The following PRDM2 variants were observed in gnomAD, a reference collection of about 807,000 sequenced individuals.
PRDM2 encodes the protein PR domain zinc finger protein 2.
In PRDM2, 30 loss-of-function variants were observed where a neutral mutation model predicts 130.0. That is an observed-to-expected ratio of 0.23 (90% CI 0.17 to 0.31). PRDM2 has a LOEUF of 0.31. PRDM2 is among the 10% of genes least tolerant of loss of function. The pLI is 1.00. For synonymous variants in PRDM2, 871 were observed against 782.4 expected, an observed-to-expected ratio of 1.11 and a Z score of -1.89; for missense variants, 2,011 against 2,108.4, an observed-to-expected ratio of 0.95 and a Z score of 0.90.
At chr1:13,798,063 G>A (rs1644949537) in intron 8 of PRDM2, among the ~76,000 whole-genome samples, 1 of 152,070 alleles carries the variant, frequency 6.6e-6, no homozygotes, top group South Asian at 2.1e-4. Flanking sequence ...TCAGGAGCTG[G>A]GGACATTTCT....
intron 8 of PRDM2, among the ~76,000 whole-genome samples, chr1:13,791,235 A>G (rs747577121): frequency 6.6e-6 from 1 of 152,254 alleles, no homozygotes; most frequent in Non-Finnish European, 1.5e-5. Flanking sequence ...GGGTAAGGAA[A>G]TCTTCCTGGT....
At position 13,822,185 on chromosome 1, in the gene PRDM2, A is replaced by C. The variant is rs573916646; in HGVS notation, c.*24-974A>C. On this transcript the variant is annotated intron_variant, in intron 9 of 9. Coordinates refer to ENST00000311066, the MANE Select transcript of PRDM2 (RefSeq NM_001393986.1). ...CAGATATGTACCCACGTGCACCAGG[A>C]AATACCTATGAGAATGCTGATGTGT... is the stretch of plus-strand genomic sequence containing the variant. 1.8e-4 allele frequency among the ~76,000 whole-genome samples: 28 copies of C among 152,272 alleles called. 1 individual carries two copies. In the South Asian group the frequency reaches 5.6e-3, roughly 30 times the overall value.
chr1:13,737,136 T>C (rs1448505419), intron 4 of PRDM2, among the ~76,000 whole-genome samples: 1 of 152,224 alleles, frequency 6.6e-6, no homozygotes, highest in Non-Finnish European at 1.5e-5. Flanking sequence ...GAACCTTTTC[T>C]CAGAAAGTAC....
intron 6 of PRDM2, among the ~76,000 whole-genome samples, chr1:13,754,423 A>G (rs1479525352): frequency 1.3e-5 from 2 of 152,204 alleles, no homozygotes; most frequent in African/African-American, 4.8e-5. Flanking sequence ...ACACTTTCCA[A>G]AATTGGATAA....
At chr1:13,706,757 T>A (rs1391015533) in intron 1 of PRDM2, among the ~76,000 whole-genome samples, 1 of 152,114 alleles carries the variant, frequency 6.6e-6, no homozygotes, top group Non-Finnish European at 1.5e-5. Flanking sequence ...CAAGAACTAA[T>A]GATTTATTTT....
chr1:13,774,419 G>A (rs138883401), intron 7 of PRDM2, among the ~76,000 whole-genome samples: 49 of 152,324 alleles, frequency 3.2e-4, no homozygotes, highest in African/African-American at 1.1e-3. Context: ...CCATTTTTAA[G>A]CACTGTTTGT....
In PRDM2 at chr1:13,781,526, A is replaced by C. The variant is rs1327082121; in HGVS notation, c.3731A>C (p.His1244Pro). Reference sequence around the variant, plus strand: ...GATCCCAGCAAGGCCCATGTAGAGCATATGCAGAGCTTGCCAGAAGATCCT... The same window carrying C: ...GATCCCAGCAAGGCCCATGTAGAGCCTATGCAGAGCTTGCCAGAAGATCCT... ...FTDPSKAHVE[H>P]MQSLPEDPLE... The change falls in exon 8 of 10, where the codon CAT becomes CCT. Residue 1244 changes from histidine (H) to proline (P), a missense_variant. Physicochemically the swap from His to Pro is moderately conservative, Grantham distance 77. This residue lies in a region of PRDM2 where 229 missense variants were observed against 364.1 expected (regional missense o/e 0.63). Transcript: ENST00000311066. The surrounding 1 kb of genome is among the most constrained non-coding windows in gnomAD (Gnocchi z 6.1). 6.2e-7 allele frequency: 1 copy of C among 1,612,850 alleles called. No homozygotes were observed. The highest frequency in any genetic ancestry group is 8.5e-7 in the Non-Finnish European group (1 of 1,179,992).
At chr1:13,794,966 C>T (rs1557664865) in intron 8 of PRDM2, among the ~76,000 whole-genome samples, 1 of 152,186 alleles carries the variant, frequency 6.6e-6, no homozygotes, top group African/African-American at 2.4e-5. Context: ...AGAGCTGCTT[C>T]CTTCTTATAG....
Position 13,761,797 on chromosome 1 carries a change from A to T in PRDM2, c.512-11281A>T, listed in dbSNP as rs10927935. On this transcript the variant is annotated intron_variant, in intron 6 of 9. Transcript: ENST00000311066. Reference sequence around the variant, plus strand: ...AGTAGGTTACAGACTTTAAAAATGAAATACACTCACAGCTTACACTGTTAG... The same window carrying T: ...AGTAGGTTACAGACTTTAAAAATGATATACACTCACAGCTTACACTGTTAG... Among the ~76,000 whole-genome samples, 957 of 152,252 alleles carry T rather than the reference A, an allele frequency of 6.3e-3. 9 individuals carry two copies. The highest frequency in any genetic ancestry group is 0.022 in the African/African-American group (907 of 41,548).
intron 6 of PRDM2, among the ~76,000 whole-genome samples, chr1:13,757,003 A>T (rs1643972343): frequency 6.6e-6 from 1 of 152,248 alleles, no homozygotes. Flanking sequence ...TAAGTAGGAC[A>T]GTTATACTGT....
In PRDM2 at chr1:13,731,070, C is replaced by T. The variant is rs1342909610; in HGVS notation, c.80C>T (p.Pro27Leu). ...CCCGAACATGTGCTGCGAGGACTTCCGGAGGAAGTGAGGCTTTTCCCTTCT... is the reference window on the plus strand; with the variant it reads ...CCCGAACATGTGCTGCGAGGACTTCTGGAGGAAGTGAGGCTTTTCCCTTCT... ...EVPEHVLRGL[P>L]EEVRLFPSAV... Residue 27 changes from proline (P) to leucine (L), a missense_variant, in exon 3 of 10, where the codon CCG (proline) becomes CTG (leucine). Pro to Leu is a moderately conservative substitution (Grantham distance 98). Coordinates refer to ENST00000311066, the MANE Select transcript of PRDM2 (RefSeq NM_001393986.1). 3.1e-6 allele frequency: 5 copies of T among 1,612,870 alleles called. No individual in the cohort carries two copies. The highest frequency in any genetic ancestry group is 1.3e-5 in the African/African-American group (1 of 74,718).
chr1:13,703,933 A>G (rs1430261000), intron 1 of PRDM2, among the ~76,000 whole-genome samples: 1 of 152,242 alleles, frequency 6.6e-6, no homozygotes, highest in Non-Finnish European at 1.5e-5. Flanking sequence ...TGAAGTGCTT[A>G]CCTAACTTTA....
chr1:13,741,720 T>TGTGTGTGTGTG (rs1643447176), intron 4 of PRDM2, among the ~76,000 whole-genome samples: 2 of 112,552 alleles, frequency 1.8e-5, no homozygotes, highest in African/African-American at 8.2e-5. Flanking sequence ...CTCTTTAAGT[T>TGTGTGTGTGTG]TGTGTGTGTG....
chr1:13,767,467 ATTT>A (rs372707092), intron 6 of PRDM2, among the ~76,000 whole-genome samples: 3 of 113,998 alleles, frequency 2.6e-5, no homozygotes, highest in East Asian at 2.6e-4. Flanking sequence ...AATTTTTTCT[ATTT>A]TTTTTTTTTT....
rs1392302458 is a variant in PRDM2 at position 13,824,306 on chromosome 1, T to C, written c.*1171T>C. 1 of 152,510 alleles carries C rather than the reference T, an allele frequency of 6.6e-6. No homozygotes were observed. The highest frequency in any genetic ancestry group is 1.5e-5 in the Non-Finnish European group (1 of 68,020). 9.4% of individuals were successfully genotyped at this position (152,510 alleles called of 1,614,324 possible). On this transcript the variant is annotated 3_prime_UTR_variant, in exon 10 of 10. Coordinates refer to ENST00000311066, the MANE Select transcript of PRDM2 (RefSeq NM_001393986.1). ...CAAACCCAGAGCGGAAGGAGGGAGC[T>C]CTGATGAGCACGGTTTGTCACACGA...
intron 6 of PRDM2, among the ~76,000 whole-genome samples, chr1:13,769,931 A>AG (rs747650940): frequency 1.4e-4 from 21 of 152,012 alleles, no homozygotes; most frequent in African/African-American, 3.9e-4. Flanking sequence ...CACAATTAGA[A>AG]GGGGGGGTGC....
rs916304015 is a variant in PRDM2 at position 13,783,030 on chromosome 1, G to C, written c.5036+199G>C. The stretch of plus-strand genomic sequence containing the variant: ...ATAAATAGTTCTAATTTCAGACTTA[G>C]GACTCACAAAGCAGTGCCACTTCTT... On this transcript the variant is annotated intron_variant, in intron 8 of 9. Transcript: ENST00000311066. 1.2e-5 allele frequency: 15 copies of C among 1,294,524 alleles called. No homozygotes were observed. In the South Asian group the frequency reaches 1.5e-4, roughly 13 times the overall value. 80.2% of individuals were successfully genotyped at this position (1,294,524 alleles called of 1,614,324 possible).
chr1:13,749,637 T>C, intron 6 of PRDM2, 150 bp downstream of exon 6: 1 of 324,258 alleles, frequency 3.1e-6, no homozygotes, highest in Non-Finnish European at 4.4e-6. Context: ...TTTTCCGGAC[T>C]CGGCCCTGCC....
In PRDM2 at chr1:13,741,964, C is replaced by T. The variant is rs199954800; in HGVS notation, c.232-41C>T. 3.0e-4 allele frequency: 438 copies of T among 1,480,348 alleles called. 1 individual carries two copies. The African/African-American group carries it at 5.4e-3, about 18-fold the overall frequency. 91.7% of individuals were successfully genotyped at this position (1,480,348 alleles called of 1,614,324 possible). On this transcript the variant is annotated intron_variant, in intron 4 of 9. Coordinates refer to ENST00000311066, the MANE Select transcript of PRDM2 (RefSeq NM_001393986.1). ...AAAATGGAGGCATTTTAAAGATACTCCTATTTTAACAAAAGTTTTTTACTT... is the reference window on the plus strand; with the variant it reads ...AAAATGGAGGCATTTTAAAGATACTTCTATTTTAACAAAAGTTTTTTACTT...
Sources: allele counts gnomAD v4.1 joint callset (sites outside exome capture counted in the v4.1 genomes callset), GRCh38; gene constraint gnomAD v4.1.1; regional missense constraint gnomAD v4.1.1; non-coding constraint Gnocchi (gnomAD v3.1); transcripts MANE v1.5; gene names NCBI Gene and HGNC (gene_info 2026-07-23, HGNC 2026-07-21).